AFF2: variants seen among roughly 807,000 people sequenced by gnomAD.
AFF2 encodes the protein ALF transcription elongation factor 2, also known as AF4/FMR2 family member 2.
Under a neutral mutation model 76.9 loss-of-function variants are expected in AFF2, and 14 were observed. The ratio of observed to expected loss-of-function variants is 0.18; its 90% CI spans 0.12 to 0.28. The LOEUF is 0.28. Among genes scored for constraint, AFF2 ranks in the 10% least tolerant of loss-of-function variants. The probability of loss-of-function intolerance (pLI) is 1.00; values close to 1 mark genes in which losing one functional copy is unlikely to be tolerated. For missense variants in AFF2, 868 were observed against 1,001.1 expected (o/e 0.87, Z 1.79); for synonymous variants, 398 against 366.7 (o/e 1.09, Z -0.98).
chrX:148,921,260 T>C (rs2071592387), intron 9 of AFF2, among the ~76,000 whole-genome samples: 1 of 112,449 alleles, frequency 8.9e-6, no homozygotes, highest in Non-Finnish European at 1.9e-5. Context: ...AACAGCTTTA[T>C]TGAGATATAA....
intron 7 of AFF2, among the ~76,000 whole-genome samples, chrX:148,873,428 T>G (rs933201006): frequency 1.8e-5 from 2 of 109,538 alleles, no homozygotes; most frequent in Admixed American, 2.0e-4. Context: ...CTTTTTCTTC[T>G]GTTGAAATAG....
intron 19 of AFF2, among the ~76,000 whole-genome samples, chrX:148,983,968 A>AAAAAAAAAAAAAAAAAAAG (rs1431816827): frequency 1.9e-5 from 2 of 103,450 alleles, no homozygotes; most frequent in African/African-American, 3.5e-5. Flanking sequence ...AAAAAAAAAA[A>AAAAAAAAAAAAAAAAAAAG]CTGCCCTCAT....
chrX:148,938,494 C>A (rs1391678862), intron 9 of AFF2, among the ~76,000 whole-genome samples: 1 of 111,949 alleles, frequency 8.9e-6, no homozygotes, highest in Non-Finnish European at 1.9e-5. Flanking sequence ...TAAAAACCAT[C>A]AGACCAATAA....
In AFF2 at chrX:148,995,161, T is replaced by C. The variant is rs2072580541; in HGVS notation, c.*3829T>C. 9.0e-6 allele frequency: 1 copy of C among 111,339 alleles called. No individual in the cohort carries two copies. Among genetic ancestry groups the C allele is most frequent in the Non-Finnish European group, 1.9e-5 (1 of 53,049 alleles). 9.2% of individuals were successfully genotyped at this position (111,339 alleles called of 1,213,427 possible). ...CGTTGTTGTTATTGTTGTTGTTGTTTCTCATTTTCACTCGCACGGCCTTAT... is the reference window on the plus strand; with the variant it reads ...CGTTGTTGTTATTGTTGTTGTTGTTCCTCATTTTCACTCGCACGGCCTTAT... On this transcript the variant is annotated 3_prime_UTR_variant, in exon 21 of 21. Transcript: ENST00000370460.
At chrX:148,866,686 T>C (rs1483545871) in intron 7 of AFF2, among the ~76,000 whole-genome samples, 1 of 112,756 alleles carries the variant, frequency 8.9e-6, no homozygotes, top group Non-Finnish European at 1.9e-5. Flanking sequence ...AGCAGAGCTA[T>C]ATGGAAGTAT....
chrX:148,936,414 C>T (rs1399183154), intron 9 of AFF2, among the ~76,000 whole-genome samples: 1 of 112,060 alleles, frequency 8.9e-6, no homozygotes, highest in African/African-American at 3.2e-5. Context: ...TAGCAGCGCA[C>T]TCGGTAATAT....
intron 2 of AFF2, among the ~76,000 whole-genome samples, chrX:148,652,390 C>G (rs1258254303): frequency 9.0e-6 from 1 of 111,439 alleles, no homozygotes; most frequent in African/African-American, 3.3e-5. Flanking sequence ...CCCCTCTCTG[C>G]CCAACACTTC....
Position 148,991,645 on chromosome X carries a change from C to G in AFF2, c.*313C>G, listed in dbSNP as rs782765644. 2.7e-5 allele frequency: 4 copies of G among 147,280 alleles called. No homozygotes were observed. Among genetic ancestry groups the G allele is most frequent in the Non-Finnish European group, 5.2e-5 (4 of 76,577 alleles). 12.1% of individuals were successfully genotyped at this position (147,280 alleles called of 1,213,427 possible). On this transcript the variant is annotated 3_prime_UTR_variant, in exon 21 of 21. Coordinates refer to ENST00000370460, the MANE Select transcript of AFF2 (RefSeq NM_002025.4). The stretch of plus-strand genomic sequence containing the variant: ...TGTTTTAAGCCCACACTACCCAAAA[C>G]AAAGAATGGGAAGCACTTGTGATAA...
chrX:148,936,001 T>G (rs1234830556), intron 9 of AFF2, among the ~76,000 whole-genome samples: 1 of 111,387 alleles, frequency 9.0e-6, no homozygotes, highest in African/African-American at 3.3e-5. Flanking sequence ...TTTTGACATT[T>G]TCTTGCCTAG....
chrX:148,812,154 T>G (rs2070211133), intron 4 of AFF2, among the ~76,000 whole-genome samples: 1 of 111,967 alleles, frequency 8.9e-6, no homozygotes, highest in South Asian at 3.7e-4. Flanking sequence ...CAATAGAGCA[T>G]GCTTGTTGGG....
At chrX:148,876,404 A>G (rs962612426) in intron 7 of AFF2, among the ~76,000 whole-genome samples, 33 of 111,269 alleles carry the variant, frequency 3.0e-4, no homozygotes, top group African/African-American at 1.1e-3. Context: ...TGCAAAGTGG[A>G]AAGTTACTGG....
intron 1 of AFF2, among the ~76,000 whole-genome samples, chrX:148,587,628 C>T (rs1016483765): frequency 3.6e-5 from 4 of 111,862 alleles, no homozygotes; most frequent in African/African-American, 6.5e-5. Flanking sequence ...GGAAACATCA[C>T]GCTAAAGTTA....
chrX:148,766,452 C>T (rs1366116766), intron 3 of AFF2, among the ~76,000 whole-genome samples: 3 of 108,763 alleles, frequency 2.8e-5, no homozygotes, highest in African/African-American at 1.0e-4. Context: ...TCTCTGATGG[C>T]CAGTGATGAT....
intron 1 of AFF2, 90 bp downstream of exon 1, chrX:148,501,234 T>A: frequency 9.1e-7 from 1 of 1,102,956 alleles, no homozygotes; most frequent in Non-Finnish European, 1.2e-6. Flanking sequence ...GCTGAAGCTG[T>A]CGTGGGGGGC....
At chrX:148,764,573 T>G (rs1403234903) in intron 3 of AFF2, among the ~76,000 whole-genome samples, 1 of 112,490 alleles carries the variant, frequency 8.9e-6, no homozygotes, top group Non-Finnish European at 1.9e-5. Context: ...TGGCTTTGTT[T>G]TATTTCTATT....
chrX:148,779,790 C>T (rs1017820597), intron 3 of AFF2, among the ~76,000 whole-genome samples: 2 of 111,738 alleles, frequency 1.8e-5, no homozygotes, highest in African/African-American at 3.3e-5. Context: ...CCTGTCGTTA[C>T]GATTCTAGCT....
intron 4 of AFF2, among the ~76,000 whole-genome samples, chrX:148,819,824 G>C (rs897869909): frequency 7.2e-5 from 8 of 111,739 alleles, no homozygotes; most frequent in African/African-American, 2.6e-4. Context: ...TGTGTGATGT[G>C]AGGTATAGGT....
intron 1 of AFF2, among the ~76,000 whole-genome samples, chrX:148,606,018 A>G (rs1317777005): frequency 8.9e-6 from 1 of 112,515 alleles, no homozygotes; most frequent in Non-Finnish European, 1.9e-5. Context: ...AACAACTAAG[A>G]TTATTGACAT....
At chrX:148,536,420 A>G (rs2124255994) in intron 1 of AFF2, among the ~76,000 whole-genome samples, 1 of 111,118 alleles carries the variant, frequency 9.0e-6, no homozygotes, top group South Asian at 3.8e-4. Flanking sequence ...TCCCCTCAGC[A>G]TTGCTGACAA....
Sources: allele counts gnomAD v4.1 joint callset (sites outside exome capture counted in the v4.1 genomes callset), GRCh38; gene constraint gnomAD v4.1.1; transcripts MANE v1.5; gene names NCBI Gene and HGNC (gene_info 2026-07-23, HGNC 2026-07-21).